The following FRMD4B variants were observed in gnomAD, a reference collection of about 807,000 sequenced individuals.
FRMD4B encodes FERM domain-containing protein 4B.
FRMD4B carries 74 observed loss-of-function variants against 141.5 expected under a neutral mutation model. That is an observed-to-expected ratio of 0.52 (90% confidence interval 0.43 to 0.63). The LOEUF (loss-of-function observed/expected upper bound fraction) is 0.63. Ranked by LOEUF, FRMD4B falls within the 30% of genes least tolerant of loss-of-function variation. The pLI, the probability that FRMD4B is intolerant of heterozygous loss-of-function variation, is 0.00. For missense variants in FRMD4B, 1,366 were observed against 1,253.4 expected (o/e 1.09, Z -1.36); for synonymous variants, 506 against 467.9 (o/e 1.08, Z -1.05).
intron 1 of FRMD4B, among the ~76,000 whole-genome samples, chr3:69,438,023 ATAT>A (rs1436539971): frequency 6.9e-6 from 1 of 143,994 alleles, no homozygotes; most frequent in Non-Finnish European, 1.5e-5. Flanking sequence ...ATATACTACT[ATAT>A]TATATGTAAC....
At chr3:69,214,794 C>G (rs151094249) in intron 11 of FRMD4B, among the ~76,000 whole-genome samples, 12 of 152,114 alleles carry the variant, frequency 7.9e-5, no homozygotes, top group Admixed American at 5.9e-4. Context: ...CCAGGGAAAT[C>G]GAGGCTGCAG....
chr3:69,194,323 C>T (rs960060389), intron 16 of FRMD4B, among the ~76,000 whole-genome samples: 4 of 152,076 alleles, frequency 2.6e-5, no homozygotes, highest in East Asian at 1.9e-4. Context: ...GAAGATAACA[C>T]CTACCTTATG....
At chr3:69,375,214 C>T (rs13091630) in intron 1 of FRMD4B, among the ~76,000 whole-genome samples, 24,175 of 121,090 alleles carry the variant, frequency 0.2, 2,591 homozygotes, top group African/African-American at 0.31. Context: ...CATCCATCCA[C>T]CCCATCCCAT....
chr3:69,276,793 C>G (rs988340216), intron 5 of FRMD4B, among the ~76,000 whole-genome samples: 5 of 152,258 alleles, frequency 3.3e-5, no homozygotes, highest in African/African-American at 9.6e-5. Flanking sequence ...GGTGAAACCC[C>G]ATCTCTACTA....
intron 5 of FRMD4B, among the ~76,000 whole-genome samples, chr3:69,275,640 G>T (rs1395602601): frequency 6.6e-6 from 1 of 151,582 alleles, no homozygotes; most frequent in East Asian, 1.9e-4. Flanking sequence ...TACATTGCCC[G>T]GGGTGGTCTC....
At position 69,171,453 on chromosome 3, in the gene FRMD4B, T is replaced by G. The variant is rs2092585544; in HGVS notation, c.*408A>C. The G allele has an allele frequency of 6.3e-6, 1 of 159,498 alleles. No homozygotes were observed. The highest frequency in any genetic ancestry group is 2.4e-5 in the African/African-American group (1 of 41,556). The allele number at this position is 159,498 out of a possible 1,614,324, so 9.9% of individuals were successfully genotyped here. On this transcript the variant is annotated 3_prime_UTR_variant, in exon 23 of 23. Transcript: ENST00000398540. The stretch of plus-strand genomic sequence containing the variant: ...TCCGGAGCTTCTGGTTCCCCTTCTC[T>G]CATCCTGCTGAATTGTGCTCTGAGA...
intron 1 of FRMD4B, among the ~76,000 whole-genome samples, chr3:69,463,373 C>T (rs1005396889): frequency 2.6e-5 from 4 of 152,210 alleles, no homozygotes; most frequent in East Asian, 1.9e-4. Context: ...TTGAGTTTTT[C>T]TCATAATTCT....
At chr3:69,222,050 T>C (rs1320604127) in intron 8 of FRMD4B, 127 bp from the exon 9 acceptor site, 8 of 657,242 alleles carry the variant, frequency 1.2e-5, no homozygotes, top group East Asian at 1.1e-4. Flanking sequence ...GTTTGGTAGA[T>C]AGAGTTTGGC....
At chr3:69,387,802 G>A (rs564045313), upstream of FRMD4B, among the ~76,000 whole-genome samples, 17 of 152,214 alleles carry the variant, frequency 1.1e-4, no homozygotes, top group African/African-American at 2.4e-4. Flanking sequence ...GATTTCTTTC[G>A]TTAATAAAAT....
chr3:69,454,979 G>C (rs780665649), intron 1 of FRMD4B, among the ~76,000 whole-genome samples: 3 of 152,226 alleles, frequency 2.0e-5, no homozygotes, highest in South Asian at 2.1e-4. Flanking sequence ...CTTGGAGTTC[G>C]TGGGTACAAC....
chr3:69,328,852 T>A (rs966128683), intron 1 of FRMD4B, among the ~76,000 whole-genome samples: 2 of 152,034 alleles, frequency 1.3e-5, no homozygotes, highest in Non-Finnish European at 2.9e-5. Flanking sequence ...TCCTGGAAAA[T>A]TCATGAATAA....
chr3:69,366,843 C>T (rs1703679174), intron 1 of FRMD4B, among the ~76,000 whole-genome samples: 1 of 152,000 alleles, frequency 6.6e-6, no homozygotes, highest in Non-Finnish European at 1.5e-5. Context: ...GATCACAGCA[C>T]ACTGCAGCCT....
chr3:69,253,369 T>A (rs2093475405), intron 5 of FRMD4B, among the ~76,000 whole-genome samples: 1 of 152,016 alleles, frequency 6.6e-6, no homozygotes, highest in Non-Finnish European at 1.5e-5. Flanking sequence ...CCTCCAAAGG[T>A]ATGTTTTTGG....
chr3:69,431,387 G>T (rs1016705752), intron 2 of FRMD4B, among the ~76,000 whole-genome samples: 1 of 152,152 alleles, frequency 6.6e-6, no homozygotes, highest in Non-Finnish European at 1.5e-5. Flanking sequence ...TGCTTGAACA[G>T]TACAAATATG....
At chr3:69,369,061 C>A (rs919660552) in intron 1 of FRMD4B, among the ~76,000 whole-genome samples, 8 of 152,134 alleles carry the variant, frequency 5.3e-5, no homozygotes, top group African/African-American at 1.9e-4. Context: ...AAAGAATACA[C>A]CTATTATGGA....
At chr3:69,271,123 T>C (rs1019582839) in intron 5 of FRMD4B, among the ~76,000 whole-genome samples, 2 of 152,192 alleles carry the variant, frequency 1.3e-5, no homozygotes, top group Admixed American at 1.3e-4. Context: ...GAGACCATGG[T>C]GTACCAAAAA....
At chr3:69,308,448 T>TTG (rs1553720983) in intron 3 of FRMD4B, among the ~76,000 whole-genome samples, 17 of 150,218 alleles carry the variant, frequency 1.1e-4, no homozygotes, top group African/African-American at 4.0e-4. Context: ...CTTTTTTTTT[T>TTG]TTTGTTTGGG....
intron 1 of FRMD4B, among the ~76,000 whole-genome samples, chr3:69,344,091 G>T (rs1314402827): frequency 6.6e-6 from 1 of 152,088 alleles, no homozygotes; most frequent in Non-Finnish European, 1.5e-5. Flanking sequence ...GGAATCCAAG[G>T]GCCAGTGTCA....
intron 1 of FRMD4B, among the ~76,000 whole-genome samples, chr3:69,521,744 C>G (rs1260183380): frequency 6.6e-6 from 1 of 152,168 alleles, no homozygotes; most frequent in Non-Finnish European, 1.5e-5. Context: ...TGGGCCTCTG[C>G]ACTCACCATA....
Sources: gnomAD v4.1 joint callset for allele counts (sites outside exome capture counted in the v4.1 genomes callset) on GRCh38, gnomAD v4.1.1 for gene constraint, MANE v1.5 for transcripts, NCBI Gene and HGNC (gene_info 2026-07-23, HGNC 2026-07-21) for gene names.